Variants in HEATR9 observed in about 807,000 individuals in gnomAD.
HEATR9 encodes the protein HEAT repeat containing 9, also known as protein HEATR9.
Under a neutral mutation model 68.2 loss-of-function variants are expected in HEATR9, and 54 were observed. The observed-to-expected ratio is 0.79, with a 90% CI of 0.64 to 0.99. HEATR9 has a LOEUF of 0.99. Among genes scored for constraint, HEATR9 ranks in the 50% least tolerant of loss-of-function variants. HEATR9 has a pLI of 0.00. For synonymous variants in HEATR9, 241 were observed against 253.5 expected (o/e 0.95, Z 0.47); for missense variants, 662 against 679.7 (o/e 0.97, Z 0.29).
intron 9 of HEATR9, 53 bp downstream of exon 9, chr17:35,858,835 A>G (rs555964544): frequency 3.1e-6 from 5 of 1,588,036 alleles, no homozygotes; most frequent in Admixed American, 3.4e-5. Context: ...ACCACACACA[A>G]TTCAGCAGTG....
rs1251703759 is a variant in HEATR9 at position 35,860,387 on chromosome 17, G to A, written c.757-1317C>T. The stretch of plus-strand genomic sequence containing the variant: ...AGCCTGGGTGACACAGCAAGACTCC[G>A]TCTCAAAAAAAAAAAAAAAACAAGA... On this transcript the variant is annotated intron_variant, in intron 8 of 14. Coordinates refer to ENST00000604834, the MANE Select transcript of HEATR9 (RefSeq NM_152781.4). Among the ~76,000 whole-genome samples the A allele has an allele frequency of 5.9e-5, 7 of 119,566 alleles. No homozygotes were observed. The East Asian group carries it at 9.8e-4, about 17-fold the overall frequency. 78.4% of individuals were successfully genotyped at this position (119,566 alleles called of 152,430 possible). A position where few individuals can be genotyped will look rare whatever the true frequency, so the allele number is the denominator to read the frequency against.
At position 35,863,515 on chromosome 17, in the gene HEATR9, G is replaced by C. The variant is rs773855758; in HGVS notation, c.612C>G (p.Thr204=). The change falls in exon 7 of 15, where the codon ACC becomes ACG. Residue 204 remains threonine, a synonymous_variant. Transcript: ENST00000604834. ...AGACATACTCACCCAGGATGGCCAG[G>C]GTTCGGTAGGCCTCGTACTTCACTT... ...PEKVKYEAYR[T]LAILGCLNKH... The C allele has an allele frequency of 6.2e-7, 1 of 1,614,184 alleles. No homozygotes were observed. Among genetic ancestry groups the C allele is most frequent in the East Asian group, 2.2e-5 (1 of 44,888 alleles).
Position 35,864,144 on chromosome 17 carries a change from C to G in HEATR9, c.567+102G>C, listed in dbSNP as rs779984972. Reference sequence around the variant, plus strand: ...GTGGCTGTGTCCTTACTGGATCTGACCCGCCATCCTAGCACCCCGGGGAGC... The same window carrying G: ...GTGGCTGTGTCCTTACTGGATCTGAGCCGCCATCCTAGCACCCCGGGGAGC... On this transcript the variant is annotated intron_variant, in intron 6 of 14. Transcript: ENST00000604834. 5.4e-6 allele frequency: 5 copies of G among 931,072 alleles called. No individual in the cohort carries two copies. In the South Asian group the frequency reaches 7.0e-5, roughly 13 times the overall value. The allele number at this position is 931,072 out of a possible 1,614,324, so 57.7% of individuals were successfully genotyped here. A position where few individuals can be genotyped will look rare whatever the true frequency, so the allele number is the denominator to read the frequency against.
intron 6 of HEATR9, 197 bp downstream of exon 6, chr17:35,864,049 T>C (rs1282711177): frequency 6.8e-6 from 4 of 588,542 alleles, no homozygotes; most frequent in Admixed American, 5.9e-5. Flanking sequence ...AGATTCTTCC[T>C]TCCCTATCTT....
chr17:35,864,642 TCCTAC>T, intron 4 of HEATR9, 89 bp from the exon 5 acceptor site: 1 of 1,585,378 alleles, frequency 6.3e-7, no homozygotes. Flanking sequence ...CAATCCCTTT[TCCTAC>T]CCTACCTCTG....
chr17:35,861,612 A>G (rs2143931417), intron 8 of HEATR9: 1 of 636,100 alleles, frequency 1.6e-6, no homozygotes, highest in Non-Finnish European at 2.8e-6. Flanking sequence ...CATGCCAAAC[A>G]TACTCCTCCC....
chr17:35,861,091 T>C lies in HEATR9; in HGVS notation c.756+1904A>G, dbSNP rs917621394. On this transcript the variant is annotated intron_variant, in intron 8 of 14. Transcript: ENST00000604834. ...ACAGAGATTTTAAAGAAGCATCCTC[T>C]TGTCCACATCCTCTTGTAACTGTTG... 3.1e-6 allele frequency: 3 copies of C among 979,118 alleles called. No individual in the cohort carries two copies. In the African/African-American group the frequency reaches 4.8e-5, roughly 16 times the overall value. 60.7% of individuals were successfully genotyped at this position (979,118 alleles called of 1,614,324 possible). A position where few individuals can be genotyped will look rare whatever the true frequency, so the allele number is the denominator to read the frequency against.
rs1211057219 is a variant in HEATR9 at position 35,868,677 on chromosome 17, C to T, written c.66G>A (p.Leu22=). ...CACCTTTGGTCTTGTCTGGATATTC[C>T]AGCCATGGGTACAGGAACATTGACC... ...VSRSMFLYPW[L]EYPDKTKELR... The change falls in exon 1 of 15, where the codon CTG becomes CTA. Residue 22 remains leucine (L), a synonymous_variant. Transcript: ENST00000604834. The T allele has an allele frequency of 6.2e-7, 1 of 1,614,066 alleles. No homozygotes were observed. Among genetic ancestry groups the T allele is most frequent in the Admixed American group, 1.7e-5 (1 of 60,008 alleles).
chr17:35,858,430 T>TA lies in HEATR9; in HGVS notation c.1032+2dup. The TA allele has an allele frequency of 6.2e-7, 1 of 1,614,090 alleles. No individual in the cohort carries two copies. Among genetic ancestry groups the TA allele is most frequent in the Non-Finnish European group, 8.5e-7 (1 of 1,179,990 alleles). On this transcript the variant is annotated splice_region_variant and intron_variant, in intron 10 of 14. Coordinates refer to ENST00000604834, the MANE Select transcript of HEATR9 (RefSeq NM_152781.4). ...GGAAGGGTTCAGGCAGTCCAGAGCT[T>TA]ACCTCAAGGACACTGGAAGAACACA...
intron 1 of HEATR9, among the ~76,000 whole-genome samples, chr17:35,867,360 G>T (rs2088237978): frequency 6.8e-6 from 1 of 146,898 alleles, no homozygotes; most frequent in South Asian, 2.2e-4. Context: ...TCTTCAACCT[G>T]GGAGGTGAAG....
intron 11 of HEATR9, among the ~76,000 whole-genome samples, chr17:35,857,908 G>T (rs1383006190): frequency 6.6e-6 from 1 of 152,188 alleles, no homozygotes; most frequent in African/African-American, 2.4e-5. Flanking sequence ...GGTCTTGAAG[G>T]AGCAATACAG....
chr17:35,866,827 G>A (rs1420666321), intron 1 of HEATR9, 54 bp from the exon 2 acceptor site: 8 of 1,569,462 alleles, frequency 5.1e-6, no homozygotes, highest in African/African-American at 1.4e-5. Context: ...GCAGTTGCAG[G>A]CCAGGCTTGG....
chr17:35,856,084 C>T (rs1347938947), intron 13 of HEATR9, 89 bp downstream of exon 13: 1 of 1,377,334 alleles, frequency 7.3e-7, no homozygotes, highest in Non-Finnish European at 1.0e-6. Context: ...AGTTTACAGG[C>T]CTTTATTCCC....
intron 8 of HEATR9, among the ~76,000 whole-genome samples, chr17:35,862,647 A>G (rs1568319725): frequency 1.3e-5 from 2 of 152,348 alleles, no homozygotes; most frequent in East Asian, 3.9e-4. Context: ...TGAGGTTGTA[A>G]TGCCATGCCC....
chr17:35,856,522 T>C (rs925798297), intron 12 of HEATR9, among the ~76,000 whole-genome samples: 4 of 152,148 alleles, frequency 2.6e-5, no homozygotes, highest in Non-Finnish European at 5.9e-5. Flanking sequence ...TTGGTAGGTA[T>C]TATTACTCTT....
chr17:35,856,110 C>CA, intron 13 of HEATR9, 63 bp downstream of exon 13: 1 of 1,528,814 alleles, frequency 6.5e-7, no homozygotes, highest in Non-Finnish European at 9.1e-7. Context: ...TGACTCTGCT[C>CA]AATCGCCTAC....
rs775013495 is a variant in HEATR9 at position 35,856,749 on chromosome 17, C to A, written c.1209G>T (p.Met403Ile). 4 of 1,605,460 alleles carry A rather than the reference C, an allele frequency of 2.5e-6. No individual in the cohort carries two copies. In the East Asian group the frequency reaches 6.7e-5, roughly 27 times the overall value. The change falls in exon 12 of 15, where the codon ATG becomes ATT. Residue 403 changes from methionine (M) to isoleucine (I), a missense_variant. Transcript: ENST00000604834. ...CCACTCACGCCTCCACCAAGTTCATCATCGTAGGCTTCAACTTGAGCTCTT... is the reference window on the plus strand; with the variant it reads ...CCACTCACGCCTCCACCAAGTTCATAATCGTAGGCTTCAACTTGAGCTCTT... ...TVEELKLKPT[M>I]MNLVEAQLMN...
At chr17:35,855,575 G>T in intron 14 of HEATR9, 89 bp downstream of exon 14, 1 of 1,385,796 alleles carries the variant, frequency 7.2e-7, no homozygotes, top group Non-Finnish European at 1.0e-6. Context: ...CTCTCCTCCT[G>T]ACAAGGAGCA....
chr17:35,858,108 G>C, intron 11 of HEATR9, 92 bp downstream of exon 11: 2 of 1,546,338 alleles, frequency 1.3e-6, no homozygotes, highest in Admixed American at 1.7e-5. Flanking sequence ...GGATGAATGT[G>C]ATACTTCGGT....
Sources: allele counts gnomAD v4.1 joint callset (sites outside exome capture counted in the v4.1 genomes callset), GRCh38; gene constraint gnomAD v4.1.1; transcripts MANE v1.5; gene names NCBI Gene and HGNC (gene_info 2026-07-23, HGNC 2026-07-21).